Variants in RELN observed in about 807,000 individuals in gnomAD.
The protein encoded by RELN is reelin.
In RELN, 108 loss-of-function variants were observed where a neutral mutation model predicts 427.6. The observed-to-expected ratio is 0.25, with a 90% CI of 0.22 to 0.30. RELN has a LOEUF of 0.30. Ranked by LOEUF, RELN falls within the 10% of genes least tolerant of loss-of-function variation. The pLI is 1.00. For synonymous variants in RELN, 1,524 were observed against 1,513.4 expected, an observed-to-expected ratio of 1.01 and a Z score of -0.16; for missense variants, 3,715 against 4,302.8, an observed-to-expected ratio of 0.86 and a Z score of 3.82.
At chr7:103,722,180 C>T (rs1266672012) in intron 8 of RELN, among the ~76,000 whole-genome samples, 3 of 152,138 alleles carry the variant, frequency 2.0e-5, no homozygotes, top group Admixed American at 6.5e-5. Context: ...TGAAACAAGG[C>T]ACAGTGATGA....
intron 45 of RELN, among the ~76,000 whole-genome samples, chr7:103,537,349 T>C (rs1411917166): frequency 6.6e-6 from 1 of 152,174 alleles, no homozygotes; most frequent in Non-Finnish European, 1.5e-5. Flanking sequence ...TGTACCCACC[T>C]TCATTGGCTC....
chr7:103,564,053 T>A (rs895263866), intron 34 of RELN, among the ~76,000 whole-genome samples: 40 of 152,224 alleles, frequency 2.6e-4, no homozygotes, highest in African/African-American at 9.6e-4. Flanking sequence ...TTTAACACAT[T>A]TGGATCCTGG....
intron 63 of RELN, 148 bp from the exon 64 acceptor site, chr7:103,478,542 T>G (rs1562838139): frequency 1.5e-6 from 1 of 671,834 alleles, no homozygotes; most frequent in Admixed American, 2.2e-5. Context: ...AAATAAAAAT[T>G]AAAGAAGTTA....
At chr7:103,568,811 T>G (rs1051277583) in intron 31 of RELN, among the ~76,000 whole-genome samples, 3 of 152,180 alleles carry the variant, frequency 2.0e-5, no homozygotes, top group African/African-American at 7.2e-5. Context: ...GGTGACCTAA[T>G]CAGAAGGTAG....
chr7:103,699,894 C>A (rs935450083), intron 9 of RELN, among the ~76,000 whole-genome samples: 1 of 152,006 alleles, frequency 6.6e-6, no homozygotes, highest in African/African-American at 2.4e-5. Context: ...GAGTTAGAAA[C>A]ACTTTTCTCA....
chr7:103,472,757 G>T lies in RELN; in HGVS notation c.*55C>A. On this transcript the variant is annotated 3_prime_UTR_variant, in exon 65 of 65. Transcript: ENST00000428762. ...ATCAGATGTAGTGCGAGATTTAAAA[G>T]AATGGAGAGCAACACATCACATGTT... 7.5e-7 allele frequency: 1 copy of T among 1,334,376 alleles called. No homozygotes were observed. The highest frequency in any genetic ancestry group is 1.1e-6 in the Non-Finnish European group (1 of 926,712). 82.7% of individuals were successfully genotyped at this position (1,334,376 alleles called of 1,614,324 possible).
intron 16 of RELN, among the ~76,000 whole-genome samples, chr7:103,642,525 G>T (rs997986972): frequency 6.6e-6 from 1 of 151,936 alleles, no homozygotes; most frequent in Non-Finnish European, 1.5e-5. Context: ...AACATACCTT[G>T]CTAACCATGT....
chr7:103,809,407 G>T (rs1419438717), intron 3 of RELN, among the ~76,000 whole-genome samples: 1 of 152,132 alleles, frequency 6.6e-6, no homozygotes, highest in African/African-American at 2.4e-5. Flanking sequence ...GGGAGAGAGA[G>T]AGGGAAACCC....
intron 20 of RELN, among the ~76,000 whole-genome samples, chr7:103,618,268 C>T (rs1832129345): frequency 1.3e-5 from 2 of 152,198 alleles, no homozygotes; most frequent in Non-Finnish European, 2.9e-5. Flanking sequence ...AACAGGTTTT[C>T]CATGATGGTC....
intron 8 of RELN, among the ~76,000 whole-genome samples, chr7:103,716,114 T>TGCC (rs1789933466): frequency 6.6e-6 from 1 of 152,172 alleles, no homozygotes; most frequent in South Asian, 2.1e-4. Flanking sequence ...TCCTACAGGG[T>TGCC]GCCATTCCCG....
chr7:103,593,990 G>T, intron 26 of RELN, 108 bp from the exon 27 acceptor site: 1 of 854,362 alleles, frequency 1.2e-6, no homozygotes, highest in Non-Finnish European at 1.9e-6. Flanking sequence ...TGCATTTCTA[G>T]GAAAACACAG....
intron 1 of RELN, among the ~76,000 whole-genome samples, chr7:103,923,359 C>CT (rs1219982389): frequency 2.6e-5 from 4 of 152,130 alleles, no homozygotes; most frequent in Non-Finnish European, 5.9e-5. Flanking sequence ...CCTCGCACTA[C>CT]TTCTCATTAC....
intron 42 of RELN, 49 bp from the exon 43 acceptor site, chr7:103,542,927 G>A (rs1830205451): frequency 1.3e-6 from 2 of 1,577,220 alleles, no homozygotes; most frequent in Non-Finnish European, 1.7e-6. Context: ...ACTATAGTGA[G>A]TTGTATTATA....
At chr7:103,868,415 T>G (rs999627782) in intron 2 of RELN, among the ~76,000 whole-genome samples, 3 of 152,128 alleles carry the variant, frequency 2.0e-5, no homozygotes, top group African/African-American at 7.2e-5. Context: ...TTTTGTTAAA[T>G]TTTATTGTAC....
intron 46 of RELN, among the ~76,000 whole-genome samples, chr7:103,532,318 G>C (rs541776565): frequency 6.6e-6 from 1 of 152,182 alleles, no homozygotes; most frequent in East Asian, 1.9e-4. Flanking sequence ...AGGAGGGAAA[G>C]CATCAGGAAG....
At chr7:103,699,369 G>A (rs1834043969) in intron 9 of RELN, among the ~76,000 whole-genome samples, 1 of 152,078 alleles carries the variant, frequency 6.6e-6, no homozygotes, top group South Asian at 2.1e-4. Context: ...TGATGACTAT[G>A]CTTTTAGCTT....
intron 1 of RELN, among the ~76,000 whole-genome samples, chr7:103,985,779 AG>A (rs1269428762): frequency 6.6e-6 from 1 of 152,186 alleles, no homozygotes; most frequent in African/African-American, 2.4e-5. Context: ...GGTGAGGAAA[AG>A]GAACGACCAT....
intron 3 of RELN, among the ~76,000 whole-genome samples, chr7:103,833,070 C>A (rs1228274686): frequency 6.6e-6 from 1 of 152,050 alleles, no homozygotes; most frequent in African/African-American, 2.4e-5. Context: ...TTAAATCAAG[C>A]AAATTAACCT....
At chr7:103,958,675 A>T (rs762961161) in intron 1 of RELN, among the ~76,000 whole-genome samples, 1 of 152,198 alleles carries the variant, frequency 6.6e-6, no homozygotes, top group Non-Finnish European at 1.5e-5. Context: ...ACCTGTCATC[A>T]GCCACACACA....
Sources: allele counts gnomAD v4.1 joint callset (sites outside exome capture counted in the v4.1 genomes callset), GRCh38; gene constraint gnomAD v4.1.1; transcripts MANE v1.5; gene names NCBI Gene and HGNC (gene_info 2026-07-23, HGNC 2026-07-21).